The following MAGI2 variants were observed in gnomAD, a reference collection of about 807,000 sequenced individuals.
MAGI2 encodes membrane associated guanylate kinase, WW and PDZ domain containing 2.
A neutral mutation model predicts 133.3 loss-of-function variants in MAGI2; 35 were observed. That is an observed-to-expected ratio of 0.26 (90% confidence interval 0.20 to 0.35). MAGI2 has a LOEUF of 0.35. Ranked by LOEUF, MAGI2 falls within the 10% of genes least tolerant of loss-of-function variation. The probability of loss-of-function intolerance (pLI) is 1.00; values close to 1 mark genes in which losing one functional copy is unlikely to be tolerated. For missense variants in MAGI2, 1,636 were observed against 1,863.4 expected (o/e 0.88, Z 2.25); for synonymous variants, 729 against 710.6 (o/e 1.03, Z -0.41).
intron 3 of MAGI2, among the ~76,000 whole-genome samples, chr7:78,561,295 G>A (rs1397296589): frequency 6.6e-6 from 1 of 152,172 alleles, no homozygotes; most frequent in Non-Finnish European, 1.5e-5. Context: ...GGGCAGGTGA[G>A]TAGGTAGTTG....
chr7:78,911,815 T>C (rs948559503), intron 2 of MAGI2, among the ~76,000 whole-genome samples: 2 of 152,070 alleles, frequency 1.3e-5, no homozygotes, highest in African/African-American at 4.8e-5. Context: ...TTAAGCCCAG[T>C]ACCCAATAGT....
intron 9 of MAGI2, among the ~76,000 whole-genome samples, chr7:78,282,538 C>G (rs1795722832): frequency 2.0e-5 from 3 of 150,978 alleles, no homozygotes; most frequent in African/African-American, 7.3e-5. Flanking sequence ...ATCTATCTAT[C>G]TATCTTGTCT....
chr7:78,297,771 T>C (rs550622148), intron 9 of MAGI2, among the ~76,000 whole-genome samples: 1 of 144,814 alleles, frequency 6.9e-6, no homozygotes, highest in African/African-American at 2.5e-5. Flanking sequence ...TAGGTGGGAA[T>C]TGAACAGTGA....
intron 10 of MAGI2, among the ~76,000 whole-genome samples, chr7:78,242,881 C>T (rs1424609463): frequency 6.6e-6 from 1 of 151,842 alleles, no homozygotes; most frequent in Non-Finnish European, 1.5e-5. Context: ...AGTTCAAGAC[C>T]AACCTGAGCA....
chr7:78,057,058 A>C (rs937121337), intron 21 of MAGI2, among the ~76,000 whole-genome samples: 4 of 125,122 alleles, frequency 3.2e-5, no homozygotes, highest in African/African-American at 9.5e-5. Flanking sequence ...TATATATATA[A>C]ATTATATATA....
chr7:79,194,837 G>C, intron 1 of MAGI2, among the ~76,000 whole-genome samples: 1 of 151,672 alleles, frequency 6.6e-6, no homozygotes, highest in East Asian at 1.9e-4. Flanking sequence ...GTTTGCTATA[G>C]TAAAGGTTAT....
intron 9 of MAGI2, among the ~76,000 whole-genome samples, chr7:78,323,780 G>A (rs573227394): frequency 1.4e-4 from 21 of 152,160 alleles, no homozygotes; most frequent in Admixed American, 1.1e-3. Context: ...CTTATTCTGA[G>A]GAGCTTTGAA....
chr7:78,630,829 A>G (rs1239006495), intron 2 of MAGI2, among the ~76,000 whole-genome samples: 2 of 152,140 alleles, frequency 1.3e-5, no homozygotes, highest in African/African-American at 4.8e-5. Flanking sequence ...AAATTCACAA[A>G]TACATTTTAT....
At chr7:78,365,206 A>G (rs1410333445) in intron 7 of MAGI2, among the ~76,000 whole-genome samples, 2 of 152,034 alleles carry the variant, frequency 1.3e-5, no homozygotes, top group Non-Finnish European at 2.9e-5. Context: ...GGTGGCTCAG[A>G]ATGCCTGGGT....
chr7:78,988,770 G>T (rs1805497150), intron 2 of MAGI2, among the ~76,000 whole-genome samples: 1 of 152,030 alleles, frequency 6.6e-6, no homozygotes. Context: ...GGAAGACGCA[G>T]AACTTTTATT....
chr7:78,162,733 G>C (rs1442767755), intron 15 of MAGI2, among the ~76,000 whole-genome samples: 1 of 152,054 alleles, frequency 6.6e-6, no homozygotes, highest in Non-Finnish European at 1.5e-5. Flanking sequence ...CCAGAACAAA[G>C]TTCTTTATCT....
At chr7:78,926,666 T>G (rs1799716059) in intron 2 of MAGI2, among the ~76,000 whole-genome samples, 1 of 151,978 alleles carries the variant, frequency 6.6e-6, no homozygotes, top group Non-Finnish European at 1.5e-5. Flanking sequence ...GGTCTCAAAT[T>G]TTTATGGAAT....
At chr7:78,758,264 G>GT (rs149892642) in intron 2 of MAGI2, among the ~76,000 whole-genome samples, 6,775 of 150,902 alleles carry the variant, frequency 0.045, 221 homozygotes, top group Non-Finnish European at 0.068. Flanking sequence ...ACAAGACAGG[G>GT]TTTTTTTTTC....
Position 78,168,195 on chromosome 7 carries a change from G to T in MAGI2, c.2404-87C>A, listed in dbSNP as rs538555954. 29 of 1,245,620 alleles carry T rather than the reference G, an allele frequency of 2.3e-5. No homozygotes were observed. In the African/African-American group the frequency reaches 3.6e-4, roughly 16 times the overall value. 77.2% of individuals were successfully genotyped at this position (1,245,620 alleles called of 1,614,324 possible). On this transcript the variant is annotated intron_variant, in intron 14 of 21. Transcript: ENST00000354212. Reference sequence around the variant, plus strand: ...TTTCGAAACAGAGTCTCGCTTCGTTGCCCAAGCTGAAGTACAGTGGCCCAG... The same window carrying T: ...TTTCGAAACAGAGTCTCGCTTCGTTTCCCAAGCTGAAGTACAGTGGCCCAG...
In MAGI2 at chr7:79,021,962, C is replaced by T. The variant is rs143043525; in HGVS notation, c.302-14756G>A. 3.2e-3 allele frequency among the ~76,000 whole-genome samples: 487 copies of T among 152,158 alleles called. 1 individual carries two copies. Among genetic ancestry groups the T allele is most frequent in the African/African-American group, 0.011 (452 of 41,526 alleles). On this transcript the variant is annotated intron_variant, in intron 1 of 21. Transcript: ENST00000354212. ...CCTATGCTGTTTTTGTGACAGTGAG[C>T]GAGTTCTCTCAAGATCTGATGGCTT...
At chr7:79,435,530 A>G (rs1463458935) in intron 1 of MAGI2, among the ~76,000 whole-genome samples, 2 of 152,192 alleles carry the variant, frequency 1.3e-5, no homozygotes, top group Non-Finnish European at 2.9e-5. Flanking sequence ...TATAAATGCC[A>G]TTCTTTTAAT....
At chr7:78,855,400 C>T (rs1793544502) in intron 2 of MAGI2, among the ~76,000 whole-genome samples, 1 of 152,176 alleles carries the variant, frequency 6.6e-6, no homozygotes, top group Non-Finnish European at 1.5e-5. Flanking sequence ...GCTATCCCTT[C>T]TCCCTCCCTC....
intron 6 of MAGI2, among the ~76,000 whole-genome samples, chr7:78,479,030 G>T (rs1792083364): frequency 6.6e-6 from 1 of 151,942 alleles, no homozygotes; most frequent in Non-Finnish European, 1.5e-5. Context: ...AACACATCTT[G>T]TGTCCATAGT....
At chr7:79,226,503 A>T (rs568111798) in intron 1 of MAGI2, among the ~76,000 whole-genome samples, 23 of 152,302 alleles carry the variant, frequency 1.5e-4, no homozygotes, top group Non-Finnish European at 2.9e-4. Context: ...TCTAACATGA[A>T]AATATCTAAT....
Sources: allele counts gnomAD v4.1 joint callset (sites outside exome capture counted in the v4.1 genomes callset), GRCh38; gene constraint gnomAD v4.1.1; transcripts MANE v1.5; gene names NCBI Gene and HGNC (gene_info 2026-07-23, HGNC 2026-07-21).